ZKSCAN7: variants seen among roughly 807,000 people sequenced by gnomAD.
ZKSCAN7 encodes the protein zinc finger with KRAB and SCAN domains 7.
In ZKSCAN7, 38 loss-of-function variants were observed where a neutral mutation model predicts 65.3. That is an observed-to-expected ratio of 0.58 (90% CI 0.45 to 0.76). ZKSCAN7 has a LOEUF of 0.76. Among genes scored for constraint, ZKSCAN7 ranks in the 30% least tolerant of loss-of-function variants. The probability of loss-of-function intolerance (pLI) is 0.00; values close to 1 mark genes in which losing one functional copy is unlikely to be tolerated. For missense variants in ZKSCAN7, 815 were observed against 913.3 expected (o/e 0.89, Z 1.39); for synonymous variants, 321 against 321.0 (o/e 1.00, Z 0.00).
rs982339746 is a variant in ZKSCAN7, at chr3:44,557,250, C to T, written c.203C>T (p.Pro68Leu). The T allele has an allele frequency of 1.2e-6, 2 of 1,614,266 alleles. No homozygotes were observed. Among genetic ancestry groups the T allele is most frequent in the Middle Eastern group, 1.6e-4 (1 of 6,062 alleles). ...RQLCYHEMSG[P>L]QEALSRLREL... Reference sequence around the variant, plus strand: ...TTGTGTTACCACGAGATGTCTGGGCCGCAGGAAGCATTGAGCCGGCTTCGG... The same window carrying T: ...TTGTGTTACCACGAGATGTCTGGGCTGCAGGAAGCATTGAGCCGGCTTCGG... The change falls in exon 2 of 6, where the codon CCG (proline) becomes CTG (leucine). Residue 68 changes from proline to leucine, a missense_variant. This residue lies in a region of ZKSCAN7 where 227 missense variants were observed against 253.3 expected (regional missense o/e 0.90). Coordinates refer to ENST00000426540, the MANE Select transcript of ZKSCAN7 (RefSeq NM_001288590.2).
At chr3:44,582,723 G>T (rs1035142702) in intron 5 of ZKSCAN7, among the ~76,000 whole-genome samples, 1 of 152,074 alleles carries the variant, frequency 6.6e-6, no homozygotes, top group African/African-American at 2.4e-5. Flanking sequence ...TGACCCTTAC[G>T]TTCTCTAAAA....
intron 3 of ZKSCAN7, among the ~76,000 whole-genome samples, 174 bp from the exon 4 acceptor site, chr3:44,567,738 T>C (rs1699677329): frequency 6.6e-6 from 1 of 151,718 alleles, no homozygotes; most frequent in Non-Finnish European, 1.5e-5. Flanking sequence ...GACCTTGTAC[T>C]GTACCCTCCA....
intron 5 of ZKSCAN7, among the ~76,000 whole-genome samples, chr3:44,568,892 CTCT>C (rs1699713631): frequency 6.6e-6 from 1 of 152,188 alleles, no homozygotes. Flanking sequence ...TGTCCTCCTC[CTCT>C]TGCCCATTTT....
Position 44,570,758 on chromosome 3 carries a change from C to T in ZKSCAN7, c.1648C>T (p.Pro550Ser), listed in dbSNP as rs375856259. 3.7e-6 allele frequency: 6 copies of T among 1,613,968 alleles called. No homozygotes were observed. The African/African-American group carries it at 4.0e-5, about 11-fold the overall frequency. Reference protein sequence around the residue: ...DHQRIHTGEKPYECSECGKAF... With the variant: ...DHQRIHTGEKSYECSECGKAF... ...TCAGAGAATCCACACTGGGGAGAAG[C>T]CTTATGAGTGTAGTGAATGTGGCAA... The change falls in exon 6 of 6, where the codon CCT becomes TCT. Residue 550 changes from proline (P) to serine (S), a missense_variant. By Grantham distance (74) the Pro-to-Ser change is moderately conservative. Transcript: ENST00000426540.
chr3:44,570,917 G>A lies in ZKSCAN7; in HGVS notation c.1807G>A (p.Gly603Arg), dbSNP rs377644061. The change falls in exon 6 of 6, where the codon GGA becomes AGA. Residue 603 changes from glycine (G) to arginine (R), a missense_variant. By Grantham distance (125) the Gly-to-Arg change is moderately radical. Coordinates refer to ENST00000426540, the MANE Select transcript of ZKSCAN7 (RefSeq NM_001288590.2). ...QLIEHERIHT[G>R]EKPFECSECG... ...CATTGAGCATGAGCGAATTCATACT[G>A]GAGAAAAACCTTTTGAATGTAGCGA... The A allele has an allele frequency of 8.7e-6, 14 of 1,614,110 alleles. No homozygotes were observed. The highest frequency in any genetic ancestry group is 1.1e-5 in the Non-Finnish European group (13 of 1,179,974).
At position 44,570,759 on chromosome 3, in the gene ZKSCAN7, C is replaced by T. The variant is rs145479931; in HGVS notation, c.1649C>T (p.Pro550Leu). The change falls in exon 6 of 6, where the codon CCT (proline) becomes CTT (leucine). Residue 550 changes from proline (P) to leucine (L), a missense_variant. Pro to Leu is a moderately conservative substitution (Grantham distance 98). Transcript: ENST00000426540. ...DHQRIHTGEKPYECSECGKAF... is the reference protein window; with the variant it reads ...DHQRIHTGEKLYECSECGKAF... Reference sequence around the variant, plus strand: ...CAGAGAATCCACACTGGGGAGAAGCCTTATGAGTGTAGTGAATGTGGCAAA... The same window carrying T: ...CAGAGAATCCACACTGGGGAGAAGCTTTATGAGTGTAGTGAATGTGGCAAA... 4.5e-5 allele frequency: 73 copies of T among 1,614,152 alleles called. No individual in the cohort carries two copies. The African/African-American group carries it at 9.1e-4, about 20-fold the overall frequency.
chr3:44,560,671 G>T (rs1374543095), intron 2 of ZKSCAN7, among the ~76,000 whole-genome samples: 1 of 152,048 alleles, frequency 6.6e-6, no homozygotes, highest in African/African-American at 2.4e-5. Context: ...ACCACGCCCA[G>T]CTAATTTTTT....
At chr3:44,557,936 G>C (rs1699349748) in intron 2 of ZKSCAN7, among the ~76,000 whole-genome samples, 1 of 152,150 alleles carries the variant, frequency 6.6e-6, no homozygotes, top group African/African-American at 2.4e-5. Context: ...CCTTTTGCTA[G>C]CTCTCCAAAC....
intron 5 of ZKSCAN7, among the ~76,000 whole-genome samples, chr3:44,581,282 G>A (rs1004062382): frequency 4.0e-5 from 6 of 149,628 alleles, no homozygotes; most frequent in African/African-American, 9.7e-5. Flanking sequence ...CCTCGGGCCC[G>A]CTGCTTCCCG....
chr3:44,580,976 G>A, intron 5 of ZKSCAN7: 1 of 1,611,804 alleles, frequency 6.2e-7, no homozygotes, highest in Non-Finnish European at 8.5e-7. Flanking sequence ...TGCTCTTGTT[G>A]AAGATGTTGG....
chr3:44,581,062 C>A lies in ZKSCAN7; in HGVS notation c.812-1910C>A, dbSNP rs1170369989. ...GCGGCGGCGGCGGCGCAGGCCCGGCCGGCCTGGCGCTCCCGGCGGGCTAGG... is the reference window on the plus strand; with the variant it reads ...GCGGCGGCGGCGGCGCAGGCCCGGCAGGCCTGGCGCTCCCGGCGGGCTAGG... On this transcript the variant is annotated intron_variant, in intron 5 of 5. Coordinates refer to the ZKSCAN7 transcript ENST00000341840. 5 of 1,339,250 alleles carry A rather than the reference C, an allele frequency of 3.7e-6. No homozygotes were observed. The Admixed American group carries it at 1.4e-4, about 37-fold the overall frequency. 83.0% of individuals were successfully genotyped at this position (1,339,250 alleles called of 1,614,324 possible). A position where few individuals can be genotyped will look rare whatever the true frequency, so the allele number is the denominator to read the frequency against.
At chr3:44,566,357 G>T (rs1190772352) in intron 3 of ZKSCAN7, among the ~76,000 whole-genome samples, 1 of 152,154 alleles carries the variant, frequency 6.6e-6, no homozygotes, top group African/African-American at 2.4e-5. Context: ...ATTTCAGGAG[G>T]ATTACTCTGG....
intron 5 of ZKSCAN7, chr3:44,580,960 G>C: frequency 6.2e-7 from 1 of 1,612,296 alleles, no homozygotes; most frequent in Non-Finnish European, 8.5e-7. Flanking sequence ...AAGCAGTTCT[G>C]ACACTTGCTC....
At chr3:44,578,341 A>C in intron 5 of ZKSCAN7, 1 of 1,601,096 alleles carries the variant, frequency 6.2e-7, no homozygotes, top group Non-Finnish European at 8.6e-7. Flanking sequence ...GTTCATAGGC[A>C]TCCTTGCCCT....
intron 2 of ZKSCAN7, among the ~76,000 whole-genome samples, chr3:44,563,229 A>G (rs1347870020): frequency 6.6e-6 from 1 of 152,182 alleles, no homozygotes; most frequent in African/African-American, 2.4e-5. Flanking sequence ...GGAAGTTCCA[A>G]ACTTTCCCAC....
chr3:44,580,970 C>G, intron 5 of ZKSCAN7: 1 of 1,612,082 alleles, frequency 6.2e-7, no homozygotes, highest in East Asian at 2.2e-5. Context: ...GACACTTGCT[C>G]TTGTTGAAGA....
intron 4 of ZKSCAN7, 31 bp from the exon 5 acceptor site, chr3:44,568,276 G>A: frequency 6.2e-7 from 1 of 1,605,464 alleles, no homozygotes; most frequent in Non-Finnish European, 8.5e-7. Context: ...GGCTGTGAAT[G>A]TTCCTGAGCG....
rs1699312166 is a variant in ZKSCAN7 at position 44,556,989 on chromosome 3, T to C, written c.-59T>C. ...AAAACAGTTCCTGAGACCTGAACTATTGACCATCATTTTAATCGGACCAAC... is the reference window on the plus strand; with the variant it reads ...AAAACAGTTCCTGAGACCTGAACTACTGACCATCATTTTAATCGGACCAAC... On this transcript the variant is annotated 5_prime_UTR_variant, in exon 2 of 6. Coordinates refer to ENST00000426540, the MANE Select transcript of ZKSCAN7 (RefSeq NM_001288590.2). 1 of 1,608,958 alleles carries C rather than the reference T, an allele frequency of 6.2e-7. No individual in the cohort carries two copies. The highest frequency in any genetic ancestry group is 1.3e-5 in the African/African-American group (1 of 74,542).
At chr3:44,580,252 G>A (rs1328462064) in intron 5 of ZKSCAN7, 23 of 1,613,072 alleles carry the variant, frequency 1.4e-5, no homozygotes, top group East Asian at 8.9e-5. Context: ...CTCTCCCCCC[G>A]GACTTTGCGG....
Sources: allele counts gnomAD v4.1 joint callset (sites outside exome capture counted in the v4.1 genomes callset), GRCh38; gene constraint gnomAD v4.1.1; regional missense constraint gnomAD v4.1.1; transcripts MANE v1.5; gene names NCBI Gene and HGNC (gene_info 2026-07-23, HGNC 2026-07-21).